CHD1L: variants seen among roughly 807,000 people sequenced by gnomAD.
The protein encoded by CHD1L is ATP-dependent chromatin remodeler CHD1L.
A neutral mutation model predicts 115.9 loss-of-function variants in CHD1L; 118 were observed. The observed-to-expected ratio is 1.02, with a 90% CI of 0.88 to 1.19. The LOEUF is 1.19. Ranked by LOEUF, CHD1L falls within the 50% of genes most tolerant of loss-of-function variation. The pLI, the probability that CHD1L is intolerant of heterozygous loss-of-function variation, is 0.00. For synonymous variants in CHD1L, 411 were observed against 387.1 expected, an observed-to-expected ratio of 1.06 and a Z score of -0.72; for missense variants, 1,179 against 1,065.3, an observed-to-expected ratio of 1.11 and a Z score of -1.49.
the CHD1L span, among the ~76,000 whole-genome samples, chr1:147,207,069 G>T: frequency 6.6e-6 from 1 of 151,500 alleles, no homozygotes; most frequent in African/African-American, 2.4e-5. Context: ...GGGCAACTGG[G>T]GATATTGCCA....
the CHD1L span, among the ~76,000 whole-genome samples, chr1:147,236,529 C>T: frequency 7.2e-5 from 11 of 152,286 alleles, 1 homozygote; most frequent in East Asian, 2.1e-3. Context: ...TTGGATAGTT[C>T]CTCTCCACAG....
chr1:147,286,302 G>A lies in CHD1L; in HGVS notation c.2023G>A (p.Ala675Thr), dbSNP rs1553965597. 1 of 1,613,754 alleles carries A rather than the reference G, an allele frequency of 6.2e-7. No individual in the cohort carries two copies. The highest frequency in any genetic ancestry group is 8.5e-7 in the Non-Finnish European group (1 of 1,179,920). Reference sequence around the variant, plus strand: ...TTTGTCTCTGGCCTGCTAAAGGATGGCCTGGTGGGAATCCAACAATTACCA... The same window carrying A: ...TTTGTCTCTGGCCTGCTAAAGGATGACCTGGTGGGAATCCAACAATTACCA... Reference protein sequence around the residue: ...KEEAEHKKKMAWWESNNYQSF... With the variant: ...KEEAEHKKKMTWWESNNYQSF... Residue 675 changes from alanine to threonine, a missense_variant, in exon 18 of 23, where the codon GCC becomes ACC. Coordinates refer to ENST00000369258, the MANE Select transcript of CHD1L (RefSeq NM_004284.6).
chr1:147,226,102 T>C, the CHD1L span, among the ~76,000 whole-genome samples: 7,129 of 36,574 alleles, frequency 0.19, 399 homozygotes, highest in East Asian at 0.4. Context: ...TGGCAATTTA[T>C]CTTACTTTTT....
the CHD1L span, chr1:147,178,783 G>T: frequency 6.2e-7 from 1 of 1,604,290 alleles, no homozygotes; most frequent in East Asian, 2.2e-5. Context: ...GGCATATACA[G>T]TGCAAAAAAT....
At chr1:147,191,025 A>G in the CHD1L span, among the ~76,000 whole-genome samples, 1 of 152,076 alleles carries the variant, frequency 6.6e-6, no homozygotes, top group Non-Finnish European at 1.5e-5. Context: ...TTCATTTTTT[A>G]TGGCTGCATA....
chr1:147,190,370 G>A, the CHD1L span: 2 of 620,638 alleles, frequency 3.2e-6, no homozygotes, highest in Non-Finnish European at 5.6e-6. Flanking sequence ...TGTACTCAAG[G>A]AGGTTACAAT....
chr1:147,292,412 C>T (rs1172839417), intron 20 of CHD1L, among the ~76,000 whole-genome samples: 1 of 152,130 alleles, frequency 6.6e-6, no homozygotes, highest in Non-Finnish European at 1.5e-5. Flanking sequence ...CTGGCTTTCT[C>T]CAAGGCCTGG....
chr1:147,196,174 AT>A, the CHD1L span, among the ~76,000 whole-genome samples: 2 of 152,168 alleles, frequency 1.3e-5, no homozygotes, highest in Admixed American at 1.3e-4. Flanking sequence ...GCATACTCTA[AT>A]AACTATCCTG....
chr1:147,255,851 A>G lies in CHD1L; in HGVS notation c.386A>G (p.Asp129Gly), dbSNP rs1669939393. 6.2e-7 allele frequency: 1 copy of G among 1,613,890 alleles called. No homozygotes were observed. Among genetic ancestry groups the G allele is most frequent in the Non-Finnish European group, 8.5e-7 (1 of 1,179,824 alleles). Residue 129 changes from aspartate to glycine, a missense_variant, in exon 4 of 23, where the codon GAC (aspartate) becomes GGC (glycine). Physicochemically the swap from Asp to Gly is moderately conservative, Grantham distance 94. Transcript: ENST00000369258. Reference sequence around the variant, plus strand: ...CTTTCCTGTGTAACATATGCAGGCGACAAGGAGGAAAGAGCCTGCCTTCAG... The same window carrying G: ...CTTTCCTGTGTAACATATGCAGGCGGCAAGGAGGAAAGAGCCTGCCTTCAG... ...PGLSCVTYAG[D>G]KEERACLQQD...
chr1:147,252,689 AT>A lies in CHD1L; in HGVS notation c.195del (p.Asn65LysfsTer28). ...CTCGCCCAGCGCTTCCATTGTCAGA[AT>A]GGCTGTATCCTGGGAGATGAGATGG... is the stretch of plus-strand genomic sequence containing the variant. ...NWLAQRFHCQNGCILGDEMGL... is the reference protein window; with the variant it reads ...NWLAQRFHCQXGCILGDEMGL... On this transcript the variant is annotated frameshift_variant, in exon 2 of 23. Coordinates refer to ENST00000369258, the MANE Select transcript of CHD1L (RefSeq NM_004284.6). LOFTEE classifies it high-confidence loss of function. The A allele has an allele frequency of 6.2e-7, 1 of 1,614,126 alleles. No homozygotes were observed. Among genetic ancestry groups the A allele is most frequent in the Non-Finnish European group, 8.5e-7 (1 of 1,179,994 alleles).
At chr1:147,201,343 C>A in the CHD1L span, 1 of 1,614,174 alleles carries the variant, frequency 6.2e-7, no homozygotes. Flanking sequence ...AAAGCTATAG[C>A]CTGTGGCAAA....
chr1:147,178,103 A>C, the CHD1L span: 1 of 1,551,180 alleles, frequency 6.4e-7, no homozygotes. Flanking sequence ...CCCCCACCCC[A>C]CCTCGCCGCC....
At chr1:147,281,752 T>G (rs1680928364) in intron 15 of CHD1L, among the ~76,000 whole-genome samples, 1 of 151,998 alleles carries the variant, frequency 6.6e-6, no homozygotes, top group Non-Finnish European at 1.5e-5. Flanking sequence ...TAAAAAGTAT[T>G]TCTCTTCCCA....
chr1:147,216,960 G>C, the CHD1L span, among the ~76,000 whole-genome samples: 2 of 152,162 alleles, frequency 1.3e-5, no homozygotes, highest in African/African-American at 4.8e-5. Context: ...TCCTATTGAG[G>C]CCGGGCGTGG....
chr1:147,227,443 C>A, the CHD1L span, among the ~76,000 whole-genome samples: 3 of 152,126 alleles, frequency 2.0e-5, no homozygotes, highest in East Asian at 3.9e-4. Flanking sequence ...ATTTTAATGT[C>A]CCCCTACTTC....
intron 17 of CHD1L, 145 bp from the exon 18 acceptor site, chr1:147,286,153 A>C: frequency 1.3e-6 from 1 of 750,292 alleles, no homozygotes; most frequent in African/African-American, 1.8e-5. Flanking sequence ...ACTTGTTTAC[A>C]AATAAGTAGA....
chr1:147,247,855 A>G (rs370181711), intron 1 of CHD1L, among the ~76,000 whole-genome samples: 12 of 152,242 alleles, frequency 7.9e-5, no homozygotes, highest in African/African-American at 2.6e-4. Context: ...GAAACATTGC[A>G]TCTCTTTGAT....
the CHD1L span, among the ~76,000 whole-genome samples, chr1:147,187,521 G>C: frequency 6.6e-6 from 1 of 152,130 alleles, no homozygotes; most frequent in East Asian, 1.9e-4. Flanking sequence ...TAATCGTTAG[G>C]TTCTTGAAGG....
rs782213864 is a variant in CHD1L, at chr1:147,285,403, A to G, written c.1934A>G (p.Lys645Arg). 6 of 1,614,048 alleles carry G rather than the reference A, an allele frequency of 3.7e-6. No individual in the cohort carries two copies. The highest frequency in any genetic ancestry group is 5.1e-6 in the Non-Finnish European group (6 of 1,180,008). ...LSPEELEDRQ[K>R]KRQEAAAKRR... is the part of the protein sequence containing the mutation. ...CCAGAAGAGCTGGAGGACAGACAGA[A>G]GAAAAGACAAGAAGCAGCTGCCAAG... The change falls in exon 17 of 23, where the codon AAG becomes AGG. Residue 645 changes from lysine to arginine, a missense_variant. Transcript: ENST00000369258.
Sources: allele counts gnomAD v4.1 joint callset (sites outside exome capture counted in the v4.1 genomes callset), GRCh38; gene constraint gnomAD v4.1.1; transcripts MANE v1.5; gene names NCBI Gene and HGNC (gene_info 2026-07-23, HGNC 2026-07-21).